STXBP2: variants seen among roughly 807,000 people sequenced by gnomAD.
The protein encoded by STXBP2 is syntaxin binding protein 2, also known as syntaxin-binding protein 2.
In STXBP2, 47 loss-of-function variants were observed where a neutral mutation model predicts 72.2. That is an observed-to-expected ratio of 0.65 (90% CI 0.51 to 0.83). STXBP2 has a LOEUF of 0.83. Among genes scored for constraint, STXBP2 ranks in the 40% least tolerant of loss-of-function variants. The pLI is 0.00. For synonymous variants in STXBP2, 367 were observed against 338.7 expected (o/e 1.08, Z -0.92); for missense variants, 702 against 807.6 (o/e 0.87, Z 1.58).
At chr19:7,632,271 A>G (rs1420945170), upstream of STXBP2, 3 of 1,446,416 alleles carry the variant, frequency 2.1e-6, no homozygotes, top group Non-Finnish European at 2.8e-6. This position sits in a 1 kb window ranked among gnomAD's most constrained non-coding sequence, Gnocchi z 5.2. Flanking sequence ...TCCCATCTGA[A>G]GTCAGGGCAG....
chr19:7,631,704 C>T, the STXBP2 span: 21 of 1,442,720 alleles, frequency 1.5e-5, no homozygotes, highest in South Asian at 3.1e-5. Context: ...GGGCTTGTGT[C>T]GGGGGCTGGG....
intron 16 of STXBP2, 72 bp downstream of exon 16, chr19:7,646,416 G>C (rs1333461065): frequency 7.3e-7 from 1 of 1,374,234 alleles, no homozygotes; most frequent in Admixed American, 2.0e-5. Context: ...CTCCTGCTGA[G>C]GTGCTAAGCC....
upstream of STXBP2, chr19:7,633,052 C>T (rs535230916): frequency 1.4e-6 from 2 of 1,394,042 alleles, no homozygotes; most frequent in Non-Finnish European, 9.4e-7. Flanking sequence ...CCAGCAGTGC[C>T]ACTTCACGTG....
Position 7,642,816 on chromosome 19 carries a change from CGGACAA to C in STXBP2, c.956_960+1del. 6.2e-7 allele frequency: 1 copy of C among 1,614,096 alleles called. No individual in the cohort carries two copies. The highest frequency in any genetic ancestry group is 8.5e-7 in the Non-Finnish European group (1 of 1,180,022). ...TTCTGTGAGAGCAAGAGGCTGACCA[CGGACAA>C]GGTAGGGGCGGACCCAGGTCACCAA... On this transcript the variant is annotated inframe_deletion and splice_region_variant, in exon 11 of 19. Transcript: ENST00000221283. This position sits in a 1 kb window ranked among gnomAD's most constrained non-coding sequence, Gnocchi z 6.0.
upstream of STXBP2, among the ~76,000 whole-genome samples, chr19:7,632,200 T>G (rs2279041): frequency 0.33 from 50,874 of 152,094 alleles, 8,725 homozygotes; most frequent in Admixed American, 0.37. The surrounding 1 kb of genome is among the most constrained non-coding windows in gnomAD (Gnocchi z 5.2). Flanking sequence ...CCATGGGTCT[T>G]ACACTAGCAT....
Position 7,639,739 on chromosome 19 carries a change from G to A in STXBP2, c.178G>A (p.Asp60Asn), listed in dbSNP as rs2031710370. ...TCCTCTGTTCCTACTAGTTGTTGAAGACATCAACAAACGGCGGGAACCCAT... is the reference window on the plus strand; with the variant it reads ...TCCTCTGTTCCTACTAGTTGTTGAAAACATCAACAAACGGCGGGAACCCAT... Reference protein sequence around the residue: ...ILAEGITIVEDINKRREPIPS... With the variant: ...ILAEGITIVENINKRREPIPS... Residue 60 changes from aspartate (D) to asparagine (N), a missense_variant, in exon 4 of 19, where the codon GAC (aspartate) becomes AAC (asparagine). Transcript: ENST00000221283. The A allele has an allele frequency of 6.2e-7, 1 of 1,613,032 alleles. No individual in the cohort carries two copies. Among genetic ancestry groups the A allele is most frequent in the Non-Finnish European group, 8.5e-7 (1 of 1,179,906 alleles).
intron 16 of STXBP2, chr19:7,646,958 G>T (rs1160536766): frequency 2.8e-5 from 17 of 605,572 alleles, no homozygotes; most frequent in Non-Finnish European, 5.0e-5. Context: ...AATTAGATTC[G>T]TGGGTCCCCA....
chr19:7,632,655 C>G (rs180736660), upstream of STXBP2: 487 of 1,558,936 alleles, frequency 3.1e-4, no homozygotes, highest in African/African-American at 6.0e-3. This position sits in a 1 kb window ranked among gnomAD's most constrained non-coding sequence, Gnocchi z 5.2. Flanking sequence ...CAGATGACCA[C>G]TTGCCCTGCA....
At position 7,646,306 on chromosome 19, in the gene STXBP2, C is replaced by T; in HGVS notation, c.1414C>T (p.Leu472=). The part of the protein sequence containing the change: ...PRERMEPTYQ[L]SRWTPVIKDV... ...AGAACGCATGGAGCCCACCTATCAG[C>T]TGTCCCGCTGGACCCCGGTCATCAA... Residue 472 remains leucine, a synonymous_variant, in exon 16 of 19, where the codon CTG becomes TTG. Transcript: ENST00000221283. The T allele has an allele frequency of 1.2e-6, 2 of 1,611,446 alleles. No individual in the cohort carries two copies. Among genetic ancestry groups the T allele is most frequent in the Non-Finnish European group, 1.7e-6 (2 of 1,179,168 alleles).
chr19:7,644,541 G>A lies in STXBP2; in HGVS notation c.1108-73G>A. 10 of 1,593,270 alleles carry A rather than the reference G, an allele frequency of 6.3e-6. 1 individual carries two copies. The South Asian group carries it at 1.1e-4, about 18-fold the overall frequency. On this transcript the variant is annotated intron_variant, in intron 13 of 18. Coordinates refer to ENST00000221283, the MANE Select transcript of STXBP2 (RefSeq NM_006949.4). ...TCCTCTTGCCGAGGATCCTGGGGAT[G>A]TCCTTGGCCCGCCTCTCCCATCCCC...
the STXBP2 span, chr19:7,631,488 G>C: frequency 2.0e-6 from 3 of 1,536,504 alleles, no homozygotes. Context: ...AGAGATAGAG[G>C]AATTCAAAGA....
rs374719886 is a variant in STXBP2 at position 7,647,421 on chromosome 19, G to A, written c.1606G>A (p.Val536Met). Reference protein sequence around the residue: ...IEARAGPRLIVYVMGGVAMSE... With the variant: ...IEARAGPRLIMYVMGGVAMSE... The stretch of plus-strand genomic sequence containing the variant: ...AGCCCGGGCGGGCCCCCGGCTCATC[G>A]TGTATGTCATGGGCGGTGTGGCCAT... Residue 536 changes from valine (V) to methionine (M), a missense_variant, in exon 18 of 19, where the codon GTG becomes ATG. Transcript: ENST00000221283. 23 of 1,613,614 alleles carry A rather than the reference G, an allele frequency of 1.4e-5. No individual in the cohort carries two copies. The highest frequency in any genetic ancestry group is 2.2e-5 in the East Asian group (1 of 44,880).
At chr19:7,640,855 G>A in intron 5 of STXBP2, 45 bp from the exon 6 acceptor site, 8 of 1,613,940 alleles carry the variant, frequency 5.0e-6, no homozygotes, top group Non-Finnish European at 6.8e-6. Flanking sequence ...GCAAGGAGGT[G>A]TGGGGGCTGC....
At chr19:7,646,221 C>A in intron 15 of STXBP2, 28 bp from the exon 16 acceptor site, 2 of 1,572,206 alleles carry the variant, frequency 1.3e-6, no homozygotes, top group East Asian at 2.3e-5. Flanking sequence ...CCTCAATCCC[C>A]CTGCTGCCCT....
At chr19:7,639,940 ATGTGTG>A (rs757894183) in intron 4 of STXBP2, 133 bp downstream of exon 4, 2 of 793,290 alleles carry the variant, frequency 2.5e-6, no homozygotes, top group Non-Finnish European at 2.0e-6. Flanking sequence ...ATGTGTGTGC[ATGTGTG>A]TGCATGTGTG....
At position 7,642,935 on chromosome 19, in the gene STXBP2, G is replaced by GC; in HGVS notation, c.961-46dup. On this transcript the variant is annotated intron_variant, in intron 11 of 18. Coordinates refer to ENST00000221283, the MANE Select transcript of STXBP2 (RefSeq NM_006949.4). The surrounding 1 kb of genome is among the most constrained non-coding windows in gnomAD (Gnocchi z 6.0). ...CTGGACTGAGACCCAGGTGGGCACT[G>GC]CCTGGCTTCGCCCCCCAATCCCTAC... The GC allele has an allele frequency of 6.2e-7, 1 of 1,612,866 alleles. No homozygotes were observed. The highest frequency in any genetic ancestry group is 8.5e-7 in the Non-Finnish European group (1 of 1,178,878).
In STXBP2 at chr19:7,643,217, C is replaced by T. The variant is rs779452337; in HGVS notation, c.1079C>T (p.Ser360Leu). ...ADDCMKHFKG[S>L]VEKLCSVEQD... ...GATTGTATGAAGCACTTCAAGGGCTCGGTGGAGAAGCTGTGTAGTGTGGAG... is the reference window on the plus strand; with the variant it reads ...GATTGTATGAAGCACTTCAAGGGCTTGGTGGAGAAGCTGTGTAGTGTGGAG... Residue 360 changes from serine (S) to leucine (L), a missense_variant, in exon 13 of 19, where the codon TCG (serine) becomes TTG (leucine). Coordinates refer to ENST00000221283, the MANE Select transcript of STXBP2 (RefSeq NM_006949.4). 27 of 1,613,588 alleles carry T rather than the reference C, an allele frequency of 1.7e-5. No homozygotes were observed. The highest frequency in any genetic ancestry group is 2.0e-5 in the Non-Finnish European group (24 of 1,179,936).
intron 6 of STXBP2, 118 bp from the exon 7 acceptor site, chr19:7,641,586 CA>C: frequency 7.0e-7 from 1 of 1,422,702 alleles, no homozygotes; most frequent in Non-Finnish European, 9.7e-7. Flanking sequence ...TCCAATTCGG[CA>C]AAGCAGGCTT....
chr19:7,639,624 A>G, intron 3 of STXBP2, 107 bp from the exon 4 acceptor site: 2 of 1,021,892 alleles, frequency 2.0e-6, no homozygotes, highest in Non-Finnish European at 3.0e-6. Context: ...AGTCCCTCCT[A>G]AGCATCCACC....
Sources: allele counts gnomAD v4.1 joint callset (sites outside exome capture counted in the v4.1 genomes callset), GRCh38; gene constraint gnomAD v4.1.1; non-coding constraint Gnocchi (gnomAD v3.1); transcripts MANE v1.5; gene names NCBI Gene and HGNC (gene_info 2026-07-23, HGNC 2026-07-21).